The following AGPS variants were observed in gnomAD, a reference collection of about 807,000 sequenced individuals.
The protein encoded by AGPS is alkylglycerone phosphate synthase.
A neutral mutation model predicts 90.7 loss-of-function variants in AGPS; 26 were observed. The ratio of observed to expected loss-of-function variants is 0.29; its 90% CI spans 0.21 to 0.40. The LOEUF (loss-of-function observed/expected upper bound fraction) is 0.40. Among genes scored for constraint, AGPS ranks in the 10% least tolerant of loss-of-function variants. The pLI is 1.00. For missense variants in AGPS, 540 were observed against 816.1 expected (o/e 0.66, Z 4.12); for synonymous variants, 294 against 285.3 (o/e 1.03, Z -0.31).
intron 19 of AGPS, among the ~76,000 whole-genome samples, chr2:177,527,418 T>C (rs1454142075): frequency 6.6e-6 from 1 of 152,026 alleles, no homozygotes; most frequent in African/African-American, 2.4e-5. Flanking sequence ...ACAGAGCAAG[T>C]CCCTGTCTCA....
At chr2:177,503,638 T>C (rs1688625898) in intron 14 of AGPS, among the ~76,000 whole-genome samples, 1 of 152,218 alleles carries the variant, frequency 6.6e-6, no homozygotes, top group Admixed American at 6.5e-5. Flanking sequence ...AGTCACAATT[T>C]AGAAGCATTT....
chr2:177,516,257 T>C (rs537095179), intron 17 of AGPS, among the ~76,000 whole-genome samples: 2 of 152,284 alleles, frequency 1.3e-5, no homozygotes, highest in South Asian at 4.1e-4. Flanking sequence ...TTTTTGTCCA[T>C]TAAAATGTAC....
At chr2:177,421,225 A>G (rs576806001) in intron 2 of AGPS, among the ~76,000 whole-genome samples, 2 of 152,170 alleles carry the variant, frequency 1.3e-5, no homozygotes, top group African/African-American at 4.8e-5. Context: ...TGCTGGAACC[A>G]AAAATAAAAA....
chr2:177,449,978 C>T (rs1426959479), intron 8 of AGPS, among the ~76,000 whole-genome samples: 4 of 152,006 alleles, frequency 2.6e-5, no homozygotes, highest in Non-Finnish European at 5.9e-5. Flanking sequence ...GCTGGGACTA[C>T]AGGCGCCCAC....
chr2:177,466,528 C>G (rs1559059189), intron 9 of AGPS, among the ~76,000 whole-genome samples: 1 of 152,212 alleles, frequency 6.6e-6, no homozygotes, highest in Non-Finnish European at 1.5e-5. Context: ...TTTATGGTGC[C>G]CAGATGCCCA....
At chr2:177,469,704 G>T (rs1687555919) in intron 10 of AGPS, among the ~76,000 whole-genome samples, 1 of 152,084 alleles carries the variant, frequency 6.6e-6, no homozygotes. Flanking sequence ...GTAACTTTTT[G>T]CCATCAGAAG....
chr2:177,409,857 G>A (rs1434848186), intron 1 of AGPS, among the ~76,000 whole-genome samples: 1 of 152,106 alleles, frequency 6.6e-6, no homozygotes, highest in African/African-American at 2.4e-5. Context: ...AAAGATACAG[G>A]GATTGAAACG....
At chr2:177,443,863 G>A (rs1456849542) in intron 7 of AGPS, among the ~76,000 whole-genome samples, 2 of 152,156 alleles carry the variant, frequency 1.3e-5, no homozygotes, top group Admixed American at 6.5e-5. Context: ...AGGTTTTTCT[G>A]TGAGTGCCTA....
intron 19 of AGPS, among the ~76,000 whole-genome samples, chr2:177,532,457 A>G (rs2079147010): frequency 6.6e-6 from 1 of 152,192 alleles, no homozygotes; most frequent in Non-Finnish European, 1.5e-5. Flanking sequence ...AAATAGTGAC[A>G]ATATCAAATT....
intron 5 of AGPS, 118 bp from the exon 6 acceptor site, chr2:177,440,847 A>G (rs951907742): frequency 1.0e-5 from 8 of 796,704 alleles, no homozygotes; most frequent in Non-Finnish European, 1.7e-5. Flanking sequence ...TCATTGTGTT[A>G]ATGAGCAAAT....
At chr2:177,504,873 C>A (rs181289444) in intron 14 of AGPS, among the ~76,000 whole-genome samples, 1 of 152,158 alleles carries the variant, frequency 6.6e-6, no homozygotes, top group East Asian at 1.9e-4. Context: ...AGTACTTGGA[C>A]TGAATTATAT....
At chr2:177,501,903 T>A (rs990872729) in intron 14 of AGPS, among the ~76,000 whole-genome samples, 13 of 152,174 alleles carry the variant, frequency 8.5e-5, no homozygotes, top group Non-Finnish European at 1.6e-4. Context: ...CCTGACCTCG[T>A]GGTCCACCCG....
intron 1 of AGPS, among the ~76,000 whole-genome samples, chr2:177,409,386 GA>G (rs1288131918): frequency 1.4e-5 from 1 of 71,696 alleles, no homozygotes; most frequent in Non-Finnish European, 2.8e-5. Flanking sequence ...TATATGATTT[GA>G]CTTTTTTTTT....
chr2:177,518,411 G>T (rs1235502189), intron 17 of AGPS, among the ~76,000 whole-genome samples: 1 of 152,028 alleles, frequency 6.6e-6, no homozygotes, highest in Non-Finnish European at 1.5e-5. Context: ...ACTCCAGCCT[G>T]GGCAACAATA....
chr2:177,494,338 T>G (rs1559071450), intron 12 of AGPS, among the ~76,000 whole-genome samples: 1 of 152,222 alleles, frequency 6.6e-6, no homozygotes, highest in Non-Finnish European at 1.5e-5. Context: ...TTAAGTAAAT[T>G]ACTTTCAAAA....
intron 5 of AGPS, among the ~76,000 whole-genome samples, chr2:177,438,536 C>A (rs1472308546): frequency 6.6e-6 from 1 of 152,094 alleles, no homozygotes; most frequent in Non-Finnish European, 1.5e-5. Context: ...TTATTGGTTC[C>A]CTTGCACCTT....
intron 5 of AGPS, among the ~76,000 whole-genome samples, chr2:177,440,406 T>C (rs143624704): frequency 1.4e-3 from 211 of 152,206 alleles, no homozygotes; most frequent in African/African-American, 5.0e-3. Flanking sequence ...TCCCAAAATA[T>C]ATAACCTGAA....
intron 2 of AGPS, among the ~76,000 whole-genome samples, chr2:177,427,233 G>C (rs1389189914): frequency 6.6e-6 from 1 of 151,940 alleles, no homozygotes; most frequent in Non-Finnish European, 1.5e-5. Context: ...GATGGTGTCT[G>C]ATTCTTCTCT....
chr2:177,488,644 A>T (rs1009458922), intron 11 of AGPS, among the ~76,000 whole-genome samples: 2 of 152,296 alleles, frequency 1.3e-5, no homozygotes, highest in Admixed American at 6.5e-5. Flanking sequence ...TTTTGTGCCC[A>T]AATTTTTGTA....
Sources: allele counts gnomAD v4.1 joint callset (sites outside exome capture counted in the v4.1 genomes callset), GRCh38; gene constraint gnomAD v4.1.1; transcripts MANE v1.5; gene names NCBI Gene and HGNC (gene_info 2026-07-23, HGNC 2026-07-21).